The following KCTD2 variants were observed in gnomAD, a reference collection of about 807,000 sequenced individuals.
The protein encoded by KCTD2 is potassium channel tetramerization domain containing 2, also known as BTB/POZ domain-containing protein KCTD2.
KCTD2 carries 18 observed loss-of-function variants against 27.9 expected under a neutral mutation model. The ratio of observed to expected loss-of-function variants is 0.64; its 90% CI spans 0.45 to 0.96. The LOEUF (loss-of-function observed/expected upper bound fraction) is 0.96. Among genes scored for constraint, KCTD2 ranks in the 40% least tolerant of loss-of-function variants. The pLI, the probability that KCTD2 is intolerant of heterozygous loss-of-function variation, is 0.00. For synonymous variants in KCTD2, 175 were observed against 148.4 expected, an observed-to-expected ratio of 1.18 and a Z score of -1.30; for missense variants, 280 against 348.0, an observed-to-expected ratio of 0.80 and a Z score of 1.56.
At chr17:75,054,853 C>T (rs545455410) in intron 3 of KCTD2, among the ~76,000 whole-genome samples, 19 of 151,560 alleles carry the variant, frequency 1.3e-4, no homozygotes, top group East Asian at 3.9e-4. Flanking sequence ...GGAAAATAGA[C>T]CCTCTCTTTC....
At chr17:75,049,383 T>A in intron 2 of KCTD2, 55 bp downstream of exon 2, 1 of 1,134,784 alleles carries the variant, frequency 8.8e-7, no homozygotes, top group Non-Finnish European at 1.3e-6. Flanking sequence ...ATCTTTAAAG[T>A]TGTTTTACAG....
At chr17:75,057,359 T>A (rs2073360231) in intron 3 of KCTD2, among the ~76,000 whole-genome samples, 1 of 152,152 alleles carries the variant, frequency 6.6e-6, no homozygotes, top group African/African-American at 2.4e-5. Context: ...TATAATGGCA[T>A]CTTAAATACC....
At chr17:75,057,222 G>T (rs957980465) in intron 3 of KCTD2, among the ~76,000 whole-genome samples, 6 of 152,016 alleles carry the variant, frequency 3.9e-5, no homozygotes, top group African/African-American at 1.4e-4. Flanking sequence ...CCAAAGTGCT[G>T]GGATTACAGG....
intron 2 of KCTD2, among the ~76,000 whole-genome samples, chr17:75,050,643 C>T (rs142238434): frequency 0.015 from 2,224 of 152,204 alleles, 90 homozygotes; most frequent in Admixed American, 0.085. Context: ...AGCATTTATC[C>T]TTTGTGATAC....
intron 3 of KCTD2, chr17:75,040,983 C>T (rs2073154235): frequency 6.6e-6 from 1 of 151,608 alleles, no homozygotes; most frequent in South Asian, 2.1e-4. Flanking sequence ...AATGAATAAG[C>T]AAATGAACTC....
At position 75,039,353 on chromosome 17, in the gene KCTD2, C is replaced by G. The variant is rs1005907784; in HGVS notation, c.-259+3996C>G. On this transcript the variant is annotated intron_variant, in intron 3 of 7. Coordinates refer to the KCTD2 transcript ENST00000581589. ...CTGCTAAGGTAGGAGTCGTCCCAGC[C>G]CACTCCTGCTGTCCTATTGCTCTAT... 3.0e-5 allele frequency: 38 copies of G among 1,260,192 alleles called. 2 individuals are homozygous for G. Among genetic ancestry groups the G allele is most frequent in the Non-Finnish European group, 4.4e-5 (38 of 866,538 alleles). The allele number at this position is 1,260,192 out of a possible 1,614,324, so 78.1% of individuals were successfully genotyped here.
chr17:75,036,686 G>A (rs1219511118), intron 3 of KCTD2, among the ~76,000 whole-genome samples: 1 of 152,222 alleles, frequency 6.6e-6, no homozygotes, highest in Non-Finnish European at 1.5e-5. Context: ...TATGCTCCAA[G>A]TAAACTGCAT....
At chr17:75,051,321 G>C (rs1234959140) in intron 2 of KCTD2, among the ~76,000 whole-genome samples, 1 of 102,712 alleles carries the variant, frequency 9.7e-6, no homozygotes, top group African/African-American at 4.0e-5. Context: ...GTCTCCCTCT[G>C]TTGCCCAGGC....
rs2040077677 is a variant in KCTD2 at position 75,032,759 on chromosome 17, A to G, written c.-470+35A>G. On this transcript the variant is annotated intron_variant, in intron 1 of 7. Coordinates refer to the KCTD2 transcript ENST00000581589. This position sits in a 1 kb window ranked among gnomAD's most constrained non-coding sequence, Gnocchi z 4.8. ...AGCCCCGGGCGGGCGGGTTGGGGGA[A>G]CATGCCTAGCTAGAGGGCGGCAGCA... 6.6e-6 allele frequency: 1 copy of G among 152,108 alleles called. No individual in the cohort carries two copies. The highest frequency in any genetic ancestry group is 6.6e-5 in the Admixed American group (1 of 15,262). The allele number at this position is 152,108 out of a possible 1,614,324, so 9.4% of individuals were successfully genotyped here.
intron 2 of KCTD2, 128 bp downstream of exon 2, chr17:75,049,456 A>G: frequency 1.6e-6 from 1 of 612,078 alleles, no homozygotes; most frequent in East Asian, 2.9e-5. Context: ...GGTTTATGAA[A>G]CAGAGCAGAA....
Position 75,056,191 on chromosome 17 carries a change from AG to A in KCTD2, c.540+3088del, listed in dbSNP as rs373687971. Among the ~76,000 whole-genome samples, 401 of 152,348 alleles carry A rather than the reference AG, an allele frequency of 2.6e-3. 1 individual carries two copies. Among genetic ancestry groups the A allele is most frequent in the African/African-American group, 8.8e-3 (365 of 41,584 alleles). ...TTCTTCCATCTAGCTGACAGCTCAA[AG>A]GCTCCTTTTTGATGTTCAAAGGTGG... On this transcript the variant is annotated intron_variant, in intron 3 of 5. Coordinates refer to ENST00000322444, the MANE Select transcript of KCTD2 (RefSeq NM_015353.3).
At chr17:75,046,384 A>AT (rs932125550), upstream of KCTD2, among the ~76,000 whole-genome samples, 6 of 152,194 alleles carry the variant, frequency 3.9e-5, no homozygotes, top group East Asian at 7.7e-4. Flanking sequence ...GCCCGGCGAA[A>AT]TTTTTTTTAA....
At chr17:75,062,666 C>A (rs1026105631) in intron 5 of KCTD2, among the ~76,000 whole-genome samples, 5 of 149,582 alleles carry the variant, frequency 3.3e-5, no homozygotes, top group African/African-American at 7.4e-5. Flanking sequence ...AAAACTGTTT[C>A]TTTTCCCTCC....
intron 4 of KCTD2, among the ~76,000 whole-genome samples, chr17:75,061,698 T>C (rs747885588): frequency 1.3e-5 from 2 of 152,176 alleles, no homozygotes; most frequent in Non-Finnish European, 2.9e-5. Context: ...TGATCAGTGA[T>C]TGGCTCGGTG....
Position 75,065,241 on chromosome 17 carries a change from G to C in KCTD2, c.*2194G>C, listed in dbSNP as rs547832790. 6.6e-6 allele frequency: 1 copy of C among 152,276 alleles called. No individual in the cohort carries two copies. Among genetic ancestry groups the C allele is most frequent in the Admixed American group, 6.5e-5 (1 of 15,294 alleles). The allele number at this position is 152,276 out of a possible 1,614,324, so 9.4% of individuals were successfully genotyped here. ...TGGTGTTCACCAAGTTTCCCTCCTC[G>C]CTGCAACCCAATGACACCTGTATTG... On this transcript the variant is annotated 3_prime_UTR_variant, in exon 6 of 6. Coordinates refer to ENST00000322444, the MANE Select transcript of KCTD2 (RefSeq NM_015353.3).
At position 75,064,906 on chromosome 17, in the gene KCTD2, CAG is replaced by C. The variant is rs1191056340; in HGVS notation, c.*1862_*1863del. The C allele has an allele frequency of 2.6e-5, 4 of 152,194 alleles. No homozygotes were observed. Among genetic ancestry groups the C allele is most frequent in the African/African-American group, 4.8e-5 (2 of 41,420 alleles). 9.4% of individuals were successfully genotyped at this position (152,194 alleles called of 1,614,324 possible). On this transcript the variant is annotated 3_prime_UTR_variant, in exon 6 of 6. Transcript: ENST00000322444. The stretch of plus-strand genomic sequence containing the variant: ...GGTCCAATGAGTAACATCAGACTGA[CAG>C]AGGAAAAGCAGCTTGGTTTGCGGCC...
In KCTD2 at chr17:75,059,551, A is replaced by G. The variant is rs528431195; in HGVS notation, c.582A>G (p.Glu194=). ...TGTACAGAGTCCTGCAGTGTCAGGA[A>G]GAAGAGCTCACGCAGATGGTGTCCA... ...KHVYRVLQCQ[E]EELTQMVSTM... Residue 194 remains glutamate (E), a synonymous_variant, in exon 4 of 6, where the codon GAA becomes GAG. Coordinates refer to ENST00000322444, the MANE Select transcript of KCTD2 (RefSeq NM_015353.3). The G allele has an allele frequency of 3.7e-6, 6 of 1,614,150 alleles. No individual in the cohort carries two copies. The highest frequency in any genetic ancestry group is 3.3e-5 in the Admixed American group (2 of 60,020).
chr17:75,053,781 C>T (rs1247750257), intron 3 of KCTD2, among the ~76,000 whole-genome samples: 1 of 149,094 alleles, frequency 6.7e-6, no homozygotes, highest in Non-Finnish European at 1.5e-5. Context: ...AGCATGTGAT[C>T]GAGTCACATG....
At chr17:75,054,784 TG>T (rs1448618744) in intron 3 of KCTD2, among the ~76,000 whole-genome samples, 1 of 148,696 alleles carries the variant, frequency 6.7e-6, no homozygotes, top group Non-Finnish European at 1.5e-5. Context: ...CACTCCAGCC[TG>T]GGCGACAGAG....
Sources: allele counts gnomAD v4.1 joint callset (sites outside exome capture counted in the v4.1 genomes callset), GRCh38; gene constraint gnomAD v4.1.1; non-coding constraint Gnocchi (gnomAD v3.1); transcripts MANE v1.5; gene names NCBI Gene and HGNC (gene_info 2026-07-23, HGNC 2026-07-21).